The following BFSP2 variants were observed in gnomAD, a reference collection of about 807,000 sequenced individuals.
The protein encoded by BFSP2 is beaded filament structural protein 2.
In BFSP2, 38 loss-of-function variants were observed where a neutral mutation model predicts 44.9. The observed-to-expected ratio is 0.85, with a 90% CI of 0.65 to 1.11. The LOEUF is 1.11. Ranked by LOEUF, BFSP2 falls within the 50% of genes least tolerant of loss-of-function variation. The pLI is 0.00. For synonymous variants in BFSP2, 197 were observed against 209.9 expected (o/e 0.94, Z 0.53); for missense variants, 525 against 533.0 (o/e 0.99, Z 0.15).
At chr3:133,410,540 T>A in intron 1 of BFSP2, 1 of 281,566 alleles carries the variant, frequency 3.6e-6, no homozygotes, top group East Asian at 1.0e-4. Flanking sequence ...CCAAATCACC[T>A]GGGGACCCTA....
At chr3:133,461,553 C>G (rs1017212542) in intron 4 of BFSP2, among the ~76,000 whole-genome samples, 1 of 152,150 alleles carries the variant, frequency 6.6e-6, no homozygotes, top group African/African-American at 2.4e-5. Flanking sequence ...CACCTACTCT[C>G]TGGTCTATGA....
intron 1 of BFSP2, among the ~76,000 whole-genome samples, chr3:133,443,948 T>C (rs914052977): frequency 1.3e-5 from 2 of 152,020 alleles, no homozygotes; most frequent in African/African-American, 4.8e-5. Flanking sequence ...AAATCTCTCA[T>C]CCACCACCAC....
intron 1 of BFSP2, among the ~76,000 whole-genome samples, chr3:133,445,988 CAGA>C (rs2073892814): frequency 6.6e-6 from 1 of 152,108 alleles, no homozygotes; most frequent in South Asian, 2.1e-4. Context: ...CTTTATCAAC[CAGA>C]AGGAGAACTC....
chr3:133,424,225 T>G lies in BFSP2; in HGVS notation c.490-23092T>G, dbSNP rs1417614284. Among the ~76,000 whole-genome samples, 301 of 98,158 alleles carry G rather than the reference T, an allele frequency of 3.1e-3. 7 individuals carry two copies. Among genetic ancestry groups the G allele is most frequent in the African/African-American group, 0.02 (286 of 14,366 alleles). The allele number at this position is 98,158 out of a possible 152,430, so 64.4% of individuals were successfully genotyped here. On this transcript the variant is annotated intron_variant, in intron 1 of 6. Coordinates refer to ENST00000302334, the MANE Select transcript of BFSP2 (RefSeq NM_003571.4). ...CGCGTCCAGCTAATTTTTTTTTTTT[T>G]TTTTTTTTTTTTTTTTGTATTTTTA...
intron 4 of BFSP2, among the ~76,000 whole-genome samples, chr3:133,465,753 A>G (rs1052044589): frequency 6.6e-6 from 1 of 152,228 alleles, no homozygotes; most frequent in African/African-American, 2.4e-5. Flanking sequence ...TACAATGCTG[A>G]AATGGATTTC....
chr3:133,456,736 G>T (rs2074016378), intron 4 of BFSP2, among the ~76,000 whole-genome samples: 1 of 152,168 alleles, frequency 6.6e-6, no homozygotes, highest in African/African-American at 2.4e-5. Context: ...GGACAACAGA[G>T]TGAGACTCTG....
At chr3:133,430,002 G>A (rs548218869) in intron 1 of BFSP2, among the ~76,000 whole-genome samples, 100 of 148,766 alleles carry the variant, frequency 6.7e-4, no homozygotes, top group Non-Finnish European at 9.8e-4. Flanking sequence ...GAGAACATGC[G>A]GTGTTTGGTT....
intron 1 of BFSP2, among the ~76,000 whole-genome samples, chr3:133,422,396 G>C (rs1051638611): frequency 6.6e-6 from 1 of 152,152 alleles, no homozygotes; most frequent in Non-Finnish European, 1.5e-5. Flanking sequence ...GAGATGGATC[G>C]TTTCCCTGGA....
intron 1 of BFSP2, among the ~76,000 whole-genome samples, chr3:133,402,520 T>C (rs1435371855): frequency 2.0e-5 from 3 of 152,208 alleles, no homozygotes; most frequent in Admixed American, 2.0e-4. Flanking sequence ...ATGGGCTCAC[T>C]TTCCTCTTAA....
Position 133,404,086 on chromosome 3 carries a change from G to A in BFSP2, c.489+3514G>A, listed in dbSNP as rs78236836. On this transcript the variant is annotated intron_variant, in intron 1 of 6. Transcript: ENST00000302334. ...CACCAGTGAAGTCTCATAGGATGCT[G>A]CACTGGAGTGCAGCGATGCCATCAG... 9.8e-3 allele frequency among the ~76,000 whole-genome samples: 1,488 copies of A among 152,262 alleles called. 24 individuals are homozygous for A. Among genetic ancestry groups the A allele is most frequent in the African/African-American group, 0.034 (1,405 of 41,536 alleles).
chr3:133,444,169 T>G (rs1241275599), intron 1 of BFSP2, among the ~76,000 whole-genome samples: 1 of 151,944 alleles, frequency 6.6e-6, no homozygotes, highest in Non-Finnish European at 1.5e-5. Context: ...GCCTGTGCAC[T>G]TCAGAAAAGT....
chr3:133,418,960 A>G (rs930926085), intron 1 of BFSP2, among the ~76,000 whole-genome samples: 1 of 152,234 alleles, frequency 6.6e-6, no homozygotes, highest in Non-Finnish European at 1.5e-5. Context: ...TTGGGCTGCC[A>G]GAACAAAGGC....
At chr3:133,468,453 A>C (rs766034477) in intron 5 of BFSP2, among the ~76,000 whole-genome samples, 10 of 151,954 alleles carry the variant, frequency 6.6e-5, no homozygotes, top group Non-Finnish European at 1.5e-4. Context: ...AGCAGGGATA[A>C]CTCTTCTCTG....
At chr3:133,460,916 G>T (rs2074056518) in intron 4 of BFSP2, among the ~76,000 whole-genome samples, 1 of 152,336 alleles carries the variant, frequency 6.6e-6, no homozygotes, top group African/African-American at 2.4e-5. Flanking sequence ...GCTCAAACCT[G>T]CACAGCAACT....
intron 1 of BFSP2, among the ~76,000 whole-genome samples, chr3:133,422,815 G>C (rs1330408575): frequency 2.1e-4 from 7 of 33,794 alleles, no homozygotes; most frequent in African/African-American, 6.2e-4. Context: ...GGGAGAAACT[G>C]TCCGGACAGG....
chr3:133,427,821 T>G (rs1157201248), intron 1 of BFSP2, among the ~76,000 whole-genome samples: 1 of 152,226 alleles, frequency 6.6e-6, no homozygotes, highest in South Asian at 2.1e-4. Flanking sequence ...TGCCCGTAAG[T>G]GTCCCTTAGT....
chr3:133,428,823 G>T (rs2107902148), intron 1 of BFSP2, among the ~76,000 whole-genome samples: 1 of 152,284 alleles, frequency 6.6e-6, no homozygotes, highest in South Asian at 2.1e-4. Context: ...GCTCTGACCT[G>T]CCTTCTCCAT....
intron 4 of BFSP2, among the ~76,000 whole-genome samples, chr3:133,452,165 A>T (rs2073971399): frequency 6.6e-6 from 1 of 152,202 alleles, no homozygotes; most frequent in Non-Finnish European, 1.5e-5. Flanking sequence ...GAACCATAAG[A>T]ATTATAAAAA....
intron 1 of BFSP2, chr3:133,410,429 G>A (rs984962945): frequency 2.9e-5 from 8 of 272,772 alleles, no homozygotes; most frequent in African/African-American, 1.4e-4. Context: ...ACTCCAAGCC[G>A]CGCTCTTCCA....
Sources: gnomAD v4.1 joint callset for allele counts (sites outside exome capture counted in the v4.1 genomes callset) on GRCh38, gnomAD v4.1.1 for gene constraint, MANE v1.5 for transcripts, NCBI Gene and HGNC (gene_info 2026-07-23, HGNC 2026-07-21) for gene names.